SFTPB: variants seen among roughly 807,000 people sequenced by gnomAD.
SFTPB encodes pulmonary surfactant-associated protein B.
A neutral mutation model predicts 51.0 loss-of-function variants in SFTPB; 32 were observed. The observed-to-expected ratio is 0.63, with a 90% CI of 0.47 to 0.84. The LOEUF (loss-of-function observed/expected upper bound fraction) is 0.84, where lower values mean the gene tolerates loss of function less well. SFTPB is among the 40% of genes least tolerant of loss of function. SFTPB has a pLI of 0.00. For missense variants in SFTPB, 431 were observed against 491.2 expected (o/e 0.88, Z 1.16); for synonymous variants, 211 against 208.5 (o/e 1.01, Z -0.10).
chr2:85,667,596 C>T lies in SFTPB; in HGVS notation c.195+83G>A, dbSNP rs1471886033. ...TCTCATCCATCCCCTATGGGGGCTC[C>T]ACTCTCCTCCTGCCCATCCAGAGCC... On this transcript the variant is annotated intron_variant, in intron 2 of 10. Coordinates refer to ENST00000519937, the MANE Select transcript of SFTPB (RefSeq NM_000542.5). 16 of 1,565,912 alleles carry T rather than the reference C, an allele frequency of 1.0e-5. No homozygotes were observed. In the Admixed American group the frequency reaches 2.5e-4, roughly 24 times the overall value.
rs1465568952 is a variant in SFTPB at position 85,657,819 on chromosome 2, CA to C, written c.*1882del. 2.0e-5 allele frequency: 3 copies of C among 149,984 alleles called. No homozygotes were observed. Among genetic ancestry groups the C allele is most frequent in the Non-Finnish European group, 4.4e-5 (3 of 67,776 alleles). 9.3% of individuals were successfully genotyped at this position (149,984 alleles called of 1,614,324 possible). On this transcript the variant is annotated 3_prime_UTR_variant, in exon 11 of 11. Transcript: ENST00000519937. ...GGAGTTAGGAGCAATTTTTTGTGGG[CA>C]GGGGGTGGATCTTACAAAGCACATT...
At position 85,658,868 on chromosome 2, in the gene SFTPB, AG is replaced by A. The variant is rs1368166747; in HGVS notation, c.*833del. On this transcript the variant is annotated 3_prime_UTR_variant, in exon 11 of 11. Coordinates refer to ENST00000519937, the MANE Select transcript of SFTPB (RefSeq NM_000542.5). ...ACGGTGTCTTTTTCTTTCTCATAAA[AG>A]AGAATAGGACTTTATTAGCATTGGT... 1 of 152,046 alleles carries A rather than the reference AG, an allele frequency of 6.6e-6. No homozygotes were observed. The highest frequency in any genetic ancestry group is 1.9e-4 in the East Asian group (1 of 5,180). The allele number at this position is 152,046 out of a possible 1,614,324, so 9.4% of individuals were successfully genotyped here.
chr2:85,658,162 T>G lies in SFTPB; in HGVS notation c.*1540A>C, dbSNP rs997628802. 1 of 152,554 alleles carries G rather than the reference T, an allele frequency of 6.6e-6. No homozygotes were observed. The highest frequency in any genetic ancestry group is 2.4e-5 in the African/African-American group (1 of 41,480). The allele number at this position is 152,554 out of a possible 1,614,324, so 9.5% of individuals were successfully genotyped here. Reference sequence around the variant, plus strand: ...AGGCCTGACAGTGGGTAATTTCCACTCTCTTTGTCTGTAGTTTCTGAATTT... The same window carrying G: ...AGGCCTGACAGTGGGTAATTTCCACGCTCTTTGTCTGTAGTTTCTGAATTT... On this transcript the variant is annotated 3_prime_UTR_variant, in exon 11 of 11. Transcript: ENST00000519937.
rs1677114981 is a variant in SFTPB, at chr2:85,657,633, A to G, written c.*2069T>C. On this transcript the variant is annotated 3_prime_UTR_variant, in exon 11 of 11. Transcript: ENST00000519937. Reference sequence around the variant, plus strand: ...GTAGCTCTCTCCTGGGCTAGGTGGGATTGTGGGTGTCACATGCTTCCCTGT... The same window carrying G: ...GTAGCTCTCTCCTGGGCTAGGTGGGGTTGTGGGTGTCACATGCTTCCCTGT... 1 of 152,146 alleles carries G rather than the reference A, an allele frequency of 6.6e-6. No individual in the cohort carries two copies. Among genetic ancestry groups the G allele is most frequent in the Non-Finnish European group, 1.5e-5 (1 of 68,050 alleles). 9.4% of individuals were successfully genotyped at this position (152,146 alleles called of 1,614,324 possible).
rs36210375 is a variant in SFTPB at position 85,663,673 on chromosome 2, C to T, written c.847G>A (p.Ala283Thr). Residue 283 changes from alanine to threonine, a missense_variant, in exon 7 of 11, where the codon GCT (alanine) becomes ACT (threonine). Physicochemically the swap from Ala to Thr is moderately conservative, Grantham distance 58. Coordinates refer to ENST00000519937, the MANE Select transcript of SFTPB (RefSeq NM_000542.5). The part of the protein sequence containing the change: ...LVLRCSMDDS[A>T]GPRSPTGEWL... ...TGGGCAGTGGGCTCACTTGGGCCAG[C>T]GCTGTCATCCATGGAGCACCGGAGG... The T allele has an allele frequency of 9.3e-4, 1,492 of 1,611,504 alleles. 9 individuals are homozygous for T. The African/African-American group carries it at 0.017, about 18-fold the overall frequency.
chr2:85,666,412 C>A, intron 4 of SFTPB: 2 of 476,350 alleles, frequency 4.2e-6, no homozygotes, highest in Admixed American at 3.0e-5. Flanking sequence ...TGTGTCCGGC[C>A]AGCTGGGGTG....
At chr2:85,666,369 G>GGCTCCCCATGGGTGGGCACAGGGGCC in intron 4 of SFTPB, among the ~76,000 whole-genome samples, 1 of 135,452 alleles carries the variant, frequency 7.4e-6, no homozygotes, top group Middle Eastern at 3.8e-3. Flanking sequence ...CTGTGTGTGT[G>GGCTCCCCATGGGTGGGCACAGGGGCC]TGTGTCCGGC....
At chr2:85,666,492 G>GGTGT (rs1677635587) in intron 4 of SFTPB, 125 bp downstream of exon 4, 1 of 824,476 alleles carries the variant, frequency 1.2e-6, no homozygotes, top group African/African-American at 2.4e-5. Context: ...CGGCTTGGGT[G>GGTGT]CTGTGTGTGT....
intron 5 of SFTPB, 49 bp downstream of exon 5, chr2:85,665,557 C>T (rs1053577129): frequency 1.2e-6 from 2 of 1,603,366 alleles, no homozygotes; most frequent in Non-Finnish European, 1.7e-6. Flanking sequence ...TCGGAGGTGG[C>T]TCTAGCCCTC....
chr2:85,665,783 G>A lies in SFTPB; in HGVS notation c.405C>T (p.Gly135=), dbSNP rs1323535409. Residue 135 remains glycine, a synonymous_variant, in exon 5 of 11, where the codon GGC becomes GGT. Coordinates refer to ENST00000519937, the MANE Select transcript of SFTPB (RefSeq NM_000542.5). ...DYFQNQTDSN[G]ICMHLGLCKS... is the part of the protein sequence containing the mutation. Reference sequence around the variant, plus strand: ...TGCACAGGCCCAGGTGCATACAGATGCCGTTTGAGTCCTGGGGCACAGCAC... The same window carrying A: ...TGCACAGGCCCAGGTGCATACAGATACCGTTTGAGTCCTGGGGCACAGCAC... The A allele has an allele frequency of 6.2e-7, 1 of 1,614,086 alleles. No homozygotes were observed. Among genetic ancestry groups the A allele is most frequent in the Non-Finnish European group, 8.5e-7 (1 of 1,180,028 alleles).
intron 4 of SFTPB, 109 bp from the exon 5 acceptor site, chr2:85,665,903 G>C: frequency 9.8e-7 from 1 of 1,021,472 alleles, no homozygotes; most frequent in Non-Finnish European, 1.5e-6. Context: ...AGCAGGCCTA[G>C]TGGGGGTGCT....
At position 85,666,423 on chromosome 2, in the gene SFTPB, T is replaced by G. The variant is rs867430410; in HGVS notation, c.393+194A>C. ...TGTGTGTGTCCGGCCAGCTGGGGTGTTGTGTGTGTGTGTGTGTGTGTGTCC... is the reference window on the plus strand; with the variant it reads ...TGTGTGTGTCCGGCCAGCTGGGGTGGTGTGTGTGTGTGTGTGTGTGTGTCC... On this transcript the variant is annotated intron_variant, in intron 4 of 10. Coordinates refer to ENST00000519937, the MANE Select transcript of SFTPB (RefSeq NM_000542.5). 205 of 419,420 alleles carry G rather than the reference T, an allele frequency of 4.9e-4. 1 individual carries two copies. Among genetic ancestry groups the G allele is most frequent in the East Asian group, 3.0e-3 (63 of 21,264 alleles). The allele number at this position is 419,420 out of a possible 1,614,324, so 26.0% of individuals were successfully genotyped here.
At chr2:85,663,951 C>A (rs895991576) in intron 6 of SFTPB, 104 bp from the exon 7 acceptor site, 2 of 1,103,328 alleles carry the variant, frequency 1.8e-6, no homozygotes, top group Non-Finnish European at 2.6e-6. Flanking sequence ...CCCTCATTCT[C>A]TTCTAGAAGG....
intron 8 of SFTPB, chr2:85,662,323 A>C (rs1411375622): frequency 1.4e-6 from 2 of 1,410,216 alleles, no homozygotes; most frequent in Non-Finnish European, 1.9e-6. Flanking sequence ...GACACTGGAG[A>C]CGGAGGACTC....
chr2:85,657,516 T>C lies in SFTPB; in HGVS notation c.*2186A>G, dbSNP rs1024282700. ...AGAGCAGGCTGCATAGACAGCTCTTTCTGGCGCTTGAACGGTGGAGGTGTG... is the reference window on the plus strand; with the variant it reads ...AGAGCAGGCTGCATAGACAGCTCTTCCTGGCGCTTGAACGGTGGAGGTGTG... On this transcript the variant is annotated 3_prime_UTR_variant, in exon 11 of 11. Transcript: ENST00000519937. The C allele has an allele frequency of 6.6e-6, 1 of 152,164 alleles. No individual in the cohort carries two copies. The highest frequency in any genetic ancestry group is 2.4e-5 in the African/African-American group (1 of 41,442). The allele number at this position is 152,164 out of a possible 1,614,324, so 9.4% of individuals were successfully genotyped here. A position where few individuals can be genotyped will look rare whatever the true frequency, so the allele number is the denominator to read the frequency against.
chr2:85,667,609 C>T (rs1677717810), intron 2 of SFTPB, 70 bp downstream of exon 2: 6 of 1,603,640 alleles, frequency 3.7e-6, no homozygotes, highest in East Asian at 4.5e-5. Flanking sequence ...TCTCCTCCTG[C>T]CCATCCAGAG....
intron 1 of SFTPB, 104 bp from the exon 2 acceptor site, chr2:85,667,910 C>T (rs1181953183): frequency 6.6e-7 from 1 of 1,521,950 alleles, no homozygotes; most frequent in Non-Finnish European, 9.0e-7. Flanking sequence ...AGTGTGAGGC[C>T]ATTAAACATG....
chr2:85,663,183 GCCCTAACTTACAGT>G (rs1211493427), intron 8 of SFTPB, among the ~76,000 whole-genome samples, 149 bp downstream of exon 8: 2 of 152,244 alleles, frequency 1.3e-5, no homozygotes, highest in Non-Finnish European at 2.9e-5. Context: ...AGCAGGCTCT[GCCCTAACTTACAGT>G]CCCACCATTG....
chr2:85,667,224 G>A (rs1458270016), intron 2 of SFTPB, 47 bp from the exon 3 acceptor site: 2 of 1,393,072 alleles, frequency 1.4e-6, no homozygotes, highest in Non-Finnish European at 2.0e-6. Context: ...AGTGGGGGAG[G>A]CTCCCAGCTC....
Sources: gnomAD v4.1 joint callset for allele counts (sites outside exome capture counted in the v4.1 genomes callset) on GRCh38, gnomAD v4.1.1 for gene constraint, MANE v1.5 for transcripts, NCBI Gene and HGNC (gene_info 2026-07-23, HGNC 2026-07-21) for gene names.